WDR1: variants seen among roughly 807,000 people sequenced by gnomAD.
The protein encoded by WDR1 is WD repeat-containing protein 1.
A neutral mutation model predicts 71.9 loss-of-function variants in WDR1; 21 were observed. The ratio of observed to expected loss-of-function variants is 0.29; its 90% CI spans 0.21 to 0.42. The LOEUF is 0.42. WDR1 is among the 10% of genes least tolerant of loss of function. WDR1 has a pLI of 1.00. For missense variants in WDR1, 696 were observed against 824.5 expected, an observed-to-expected ratio of 0.84 and a Z score of 1.91; for synonymous variants, 424 against 347.4, an observed-to-expected ratio of 1.22 and a Z score of -2.45.
intron 13 of WDR1, 23 bp downstream of exon 13, chr4:10,077,730 A>C: frequency 6.5e-7 from 1 of 1,550,050 alleles, no homozygotes; most frequent in Non-Finnish European, 8.7e-7. Flanking sequence ...ACGGGGACAG[A>C]GGAGGAGCCC....
chr4:10,078,006 G>C (rs1435709170), intron 12 of WDR1, 80 bp from the exon 13 acceptor site: 1 of 1,449,242 alleles, frequency 6.9e-7, no homozygotes. Context: ...GGGGTCGAGG[G>C]CTTAAGAAAC....
At chr4:10,075,516 C>T (rs1368581166) in intron 14 of WDR1, 32 bp from the exon 15 acceptor site, 1 of 1,594,002 alleles carries the variant, frequency 6.3e-7, no homozygotes, top group African/African-American at 1.3e-5. Flanking sequence ...TAACGAAAAG[C>T]CAAACTTCTC....
At chr4:10,089,010 C>T (rs893666136) in intron 5 of WDR1, among the ~76,000 whole-genome samples, 4 of 152,120 alleles carry the variant, frequency 2.6e-5, no homozygotes, top group Non-Finnish European at 4.4e-5. Flanking sequence ...CCAGTTATGC[C>T]CCCCCCAGTG....
In WDR1 at chr4:10,075,263, C is replaced by G. The variant is rs1238414587; in HGVS notation, c.*115G>C. 1.1e-6 allele frequency: 1 copy of G among 870,244 alleles called. No homozygotes were observed. The highest frequency in any genetic ancestry group is 2.1e-5 in the Admixed American group (1 of 48,382). The allele number at this position is 870,244 out of a possible 1,614,324, so 53.9% of individuals were successfully genotyped here. ...GGGTCATGACTGGGCCCTCCTGCCT[C>G]TTGTGGTGGGGTGGGGGCATGGGGG... is the stretch of plus-strand genomic sequence containing the variant. On this transcript the variant is annotated 3_prime_UTR_variant, in exon 15 of 15. Coordinates refer to ENST00000499869, the MANE Select transcript of WDR1 (RefSeq NM_017491.5).
At chr4:10,113,269 G>C (rs1713503965) in intron 2 of WDR1, among the ~76,000 whole-genome samples, 1 of 152,038 alleles carries the variant, frequency 6.6e-6, no homozygotes, top group Admixed American at 6.5e-5. Flanking sequence ...GCTGAGGCAG[G>C]AGATTTGCCT....
chr4:10,083,943 C>T (rs1765110072), intron 9 of WDR1, among the ~76,000 whole-genome samples: 2 of 152,270 alleles, frequency 1.3e-5, no homozygotes, highest in Admixed American at 1.3e-4. Context: ...AGCTCCAGCC[C>T]TGGCTCTGTG....
intron 2 of WDR1, chr4:10,115,840 A>C: frequency 2.5e-6 from 1 of 402,686 alleles, no homozygotes; most frequent in Non-Finnish European, 4.6e-6. Context: ...TTAGCTTCCA[A>C]GATCAGAGGC....
chr4:10,115,909 CT>C, intron 2 of WDR1: 1 of 631,708 alleles, frequency 1.6e-6, no homozygotes, highest in Non-Finnish European at 2.7e-6. Context: ...ACTCAGTTTC[CT>C]CATCAAGAAG....
At chr4:10,085,243 C>A (rs1181860805) in intron 8 of WDR1, among the ~76,000 whole-genome samples, 1 of 152,182 alleles carries the variant, frequency 6.6e-6, no homozygotes. Flanking sequence ...CCTGGCTGGC[C>A]CCTCTCCTCT....
chr4:10,086,055 A>G (rs2109652255), intron 8 of WDR1, among the ~76,000 whole-genome samples: 1 of 152,272 alleles, frequency 6.6e-6, no homozygotes, highest in Non-Finnish European at 1.5e-5. Context: ...GCCAACAGAA[A>G]CGGGACGGCA....
intron 14 of WDR1, 68 bp from the exon 15 acceptor site, chr4:10,075,552 G>A (rs1266915821): frequency 2.8e-6 from 4 of 1,432,636 alleles, no homozygotes; most frequent in Admixed American, 1.9e-5. Flanking sequence ...CTTGGACTAG[G>A]AAGATGGAAC....
Position 10,077,748 on chromosome 4 carries a change from C to T in WDR1, c.1569+5G>A, listed in dbSNP as rs1345317127. 6.3e-7 allele frequency: 1 copy of T among 1,575,352 alleles called. No homozygotes were observed. Among genetic ancestry groups the T allele is most frequent in the Non-Finnish European group, 8.6e-7 (1 of 1,159,216 alleles). ...GGGACAGAGGAGGAGCCCGCCGCCA[C>T]TCACCGAGTAGCCGTCAGCAACGCT... On this transcript the variant is annotated splice_donor_5th_base_variant and intron_variant, in intron 13 of 14. Transcript: ENST00000499869.
chr4:10,096,017 T>C lies in WDR1; in HGVS notation c.558+1694A>G, dbSNP rs542497097. 2.0e-5 allele frequency: 3 copies of C among 152,350 alleles called. No homozygotes were observed. The South Asian group carries it at 6.2e-4, about 32-fold the overall frequency. The allele number at this position is 152,350 out of a possible 1,614,324, so 9.4% of individuals were successfully genotyped here. On this transcript the variant is annotated intron_variant, in intron 5 of 14. Transcript: ENST00000499869. ...GCCAGGGCAGTGGGGTGAAGTCCTT[T>C]CTGAAGTTAGAAAGGACAACTAAAG...
chr4:10,110,190 C>T (rs1713267347), intron 2 of WDR1, among the ~76,000 whole-genome samples: 1 of 152,174 alleles, frequency 6.6e-6, no homozygotes, highest in East Asian at 1.9e-4. Flanking sequence ...TAAGGACCCA[C>T]AGGTCTAAGG....
At position 10,075,198 on chromosome 4, in the gene WDR1, A is replaced by G. The variant is rs964016270; in HGVS notation, c.*180T>C. ...TCATGTGCAAACTGTTACTGTCTAA[A>G]GCTTTCAGAAGAACGTGTACAGACA... On this transcript the variant is annotated 3_prime_UTR_variant, in exon 15 of 15. Transcript: ENST00000499869. The G allele has an allele frequency of 1.7e-6, 1 of 592,540 alleles. No individual in the cohort carries two copies. The highest frequency in any genetic ancestry group is 2.9e-5 in the Admixed American group (1 of 33,944). 36.7% of individuals were successfully genotyped at this position (592,540 alleles called of 1,614,324 possible).
At chr4:10,091,808 T>C (rs542890350) in intron 5 of WDR1, 5 of 152,402 alleles carry the variant, frequency 3.3e-5, no homozygotes, top group Admixed American at 2.6e-4. Context: ...TGTCAGTCCA[T>C]AGGGTCCACA....
chr4:10,098,867 T>C, intron 4 of WDR1, 125 bp downstream of exon 4: 1 of 1,403,348 alleles, frequency 7.1e-7, no homozygotes, highest in Non-Finnish European at 9.8e-7. Context: ...CGGCACCTAC[T>C]GGGAGCTCAA....
intron 2 of WDR1, among the ~76,000 whole-genome samples, chr4:10,107,771 C>T (rs1425901125): frequency 6.6e-6 from 1 of 152,186 alleles, no homozygotes; most frequent in Non-Finnish European, 1.5e-5. Context: ...AGGACACCAG[C>T]CAGCAATCAA....
intron 2 of WDR1, among the ~76,000 whole-genome samples, chr4:10,107,289 G>C (rs903706569): frequency 3.3e-5 from 5 of 152,194 alleles, no homozygotes; most frequent in African/African-American, 1.2e-4. Context: ...GGCCTGCCCA[G>C]TTTTCCTTGC....
Sources: allele counts gnomAD v4.1 joint callset (sites outside exome capture counted in the v4.1 genomes callset), GRCh38; gene constraint gnomAD v4.1.1; transcripts MANE v1.5; gene names NCBI Gene and HGNC (gene_info 2026-07-23, HGNC 2026-07-21).